The following THSD7B variants were observed in gnomAD, a reference collection of about 807,000 sequenced individuals.
THSD7B encodes thrombospondin type-1 domain-containing protein 7B.
In THSD7B, 138 loss-of-function variants were observed where a neutral mutation model predicts 213.6. The ratio of observed to expected loss-of-function variants is 0.65; its 90% CI spans 0.56 to 0.74. The LOEUF (loss-of-function observed/expected upper bound fraction) is 0.74, where lower values mean the gene tolerates loss of function less well. Ranked by LOEUF, THSD7B falls within the 30% of genes least tolerant of loss-of-function variation. The pLI is 0.00. For missense variants in THSD7B, 1,931 were observed against 1,991.5 expected, an observed-to-expected ratio of 0.97 and a Z score of 0.58; for synonymous variants, 742 against 687.0, an observed-to-expected ratio of 1.08 and a Z score of -1.25.
At chr2:137,609,104 T>C (rs1429285447) in intron 17 of THSD7B, among the ~76,000 whole-genome samples, 1 of 152,198 alleles carries the variant, frequency 6.6e-6, no homozygotes, top group African/African-American at 2.4e-5. Context: ...TTCTCTCTAC[T>C]TGAGACAATT....
intron 1 of THSD7B, among the ~76,000 whole-genome samples, chr2:136,796,892 A>T (rs1428796332): frequency 1.3e-5 from 2 of 151,740 alleles, no homozygotes; most frequent in African/African-American, 4.8e-5. Context: ...TCTGGGACAT[A>T]TATGAAGAAG....
At chr2:137,271,873 C>A (rs775327625) in intron 10 of THSD7B, among the ~76,000 whole-genome samples, 6 of 151,952 alleles carry the variant, frequency 3.9e-5, no homozygotes, top group Non-Finnish European at 7.4e-5. Flanking sequence ...GAAATGAGTG[C>A]CTCAACACAT....
intron 12 of THSD7B, among the ~76,000 whole-genome samples, chr2:137,281,580 T>A (rs1403719438): frequency 9.0e-6 from 1 of 111,568 alleles, no homozygotes; most frequent in African/African-American, 3.5e-5. Flanking sequence ...CAGTCCCCGG[T>A]ATGTGATGTT....
At chr2:137,280,886 T>G (rs1459668745) in intron 12 of THSD7B, among the ~76,000 whole-genome samples, 1 of 152,110 alleles carries the variant, frequency 6.6e-6, no homozygotes, top group Non-Finnish European at 1.5e-5. Flanking sequence ...CAGGGACCGA[T>G]TTTTTGTTTT....
intron 1 of THSD7B, among the ~76,000 whole-genome samples, chr2:136,859,322 T>C (rs1683225156): frequency 6.6e-6 from 1 of 152,224 alleles, no homozygotes; most frequent in Admixed American, 6.5e-5. Flanking sequence ...TTCATGTCTA[T>C]GAATATTTTT....
At chr2:137,258,995 T>G (rs1392092399) in intron 10 of THSD7B, among the ~76,000 whole-genome samples, 1 of 152,154 alleles carries the variant, frequency 6.6e-6, no homozygotes, top group Non-Finnish European at 1.5e-5. Flanking sequence ...TTCATCCATG[T>G]CCCTGCAAAG....
At chr2:137,210,771 C>T (rs970093676) in intron 7 of THSD7B, among the ~76,000 whole-genome samples, 2 of 149,850 alleles carry the variant, frequency 1.3e-5, no homozygotes, top group Non-Finnish European at 3.0e-5. Flanking sequence ...TTTATGTTCA[C>T]TTTTGTATTA....
At chr2:137,489,282 G>T (rs769225857) in intron 15 of THSD7B, among the ~76,000 whole-genome samples, 4 of 151,824 alleles carry the variant, frequency 2.6e-5, no homozygotes, top group East Asian at 1.9e-4. Flanking sequence ...AAAATTAGCC[G>T]GGCGTGGTGG....
intron 18 of THSD7B, among the ~76,000 whole-genome samples, chr2:137,616,846 T>C (rs1167632291): frequency 6.6e-6 from 1 of 152,228 alleles, no homozygotes; most frequent in Non-Finnish European, 1.5e-5. Flanking sequence ...GGCACCACAG[T>C]GCTCAGTGTC....
At chr2:137,227,736 T>G (rs1342657247) in intron 7 of THSD7B, among the ~76,000 whole-genome samples, 2 of 152,114 alleles carry the variant, frequency 1.3e-5, no homozygotes, top group Non-Finnish European at 2.9e-5. Context: ...TAATTATAAG[T>G]TTTTAAATAT....
chr2:136,987,245 T>C (rs1381189569), intron 2 of THSD7B, among the ~76,000 whole-genome samples: 1 of 152,170 alleles, frequency 6.6e-6, no homozygotes, highest in Non-Finnish European at 1.5e-5. Context: ...TTAGCCAGGG[T>C]AGAGGACTGT....
intron 16 of THSD7B, among the ~76,000 whole-genome samples, chr2:137,565,733 A>G (rs1454618435): frequency 6.6e-6 from 1 of 152,152 alleles, no homozygotes; most frequent in Non-Finnish European, 1.5e-5. Flanking sequence ...AGTGGAGGGC[A>G]TCACATGGAG....
intron 16 of THSD7B, among the ~76,000 whole-genome samples, chr2:137,564,941 T>C (rs1681204132): frequency 6.6e-6 from 1 of 152,048 alleles, no homozygotes; most frequent in Non-Finnish European, 1.5e-5. Context: ...CATTTGGAAA[T>C]AAATAGGATC....
At chr2:137,674,586 A>ATACT (rs1271475070) in intron 27 of THSD7B, among the ~76,000 whole-genome samples, 1 of 152,240 alleles carries the variant, frequency 6.6e-6, no homozygotes, top group East Asian at 1.9e-4. Context: ...TCACTGGAAC[A>ATACT]TACTTAGTAT....
chr2:136,919,873 G>A (rs1221184053), intron 2 of THSD7B, among the ~76,000 whole-genome samples: 1 of 152,238 alleles, frequency 6.6e-6, no homozygotes, highest in African/African-American at 2.4e-5. Flanking sequence ...CTAGGCACTG[G>A]CATAGGGACC....
At chr2:137,627,737 C>T (rs1280233500) in intron 20 of THSD7B, among the ~76,000 whole-genome samples, 9 of 152,266 alleles carry the variant, frequency 5.9e-5, no homozygotes, top group African/African-American at 2.2e-4. Context: ...ACAACTACTT[C>T]CACAAAGAAT....
At chr2:137,251,535 A>C (rs1042240857) in intron 10 of THSD7B, among the ~76,000 whole-genome samples, 5 of 152,200 alleles carry the variant, frequency 3.3e-5, no homozygotes, top group Non-Finnish European at 7.3e-5. Context: ...TGGTTATGGG[A>C]AATGCAATGC....
chr2:137,427,516 GA>G (rs941949306), intron 14 of THSD7B, among the ~76,000 whole-genome samples: 7 of 150,072 alleles, frequency 4.7e-5, no homozygotes, highest in African/African-American at 1.5e-4. Context: ...TATTCAGTCT[GA>G]AAAAAAAACC....
chr2:137,431,158 A>G (rs1378722002), intron 14 of THSD7B, among the ~76,000 whole-genome samples: 1 of 152,210 alleles, frequency 6.6e-6, no homozygotes, highest in Non-Finnish European at 1.5e-5. Context: ...GGCATGAGAC[A>G]ACAATCAAAT....
Sources: gnomAD v4.1 joint callset for allele counts (sites outside exome capture counted in the v4.1 genomes callset) on GRCh38, gnomAD v4.1.1 for gene constraint, MANE v1.5 for transcripts, NCBI Gene and HGNC (gene_info 2026-07-23, HGNC 2026-07-21) for gene names.